Variants in ADAD1 observed in about 807,000 individuals in gnomAD.
The protein encoded by ADAD1 is adenosine deaminase domain containing 1.
A neutral mutation model predicts 66.8 loss-of-function variants in ADAD1; 46 were observed. The ratio of observed to expected loss-of-function variants is 0.69; its 90% CI spans 0.54 to 0.88. ADAD1 has a LOEUF of 0.88. ADAD1 is among the 40% of genes least tolerant of loss of function. ADAD1 has a pLI of 0.00. For synonymous variants in ADAD1, 248 were observed against 229.4 expected (o/e 1.08, Z -0.73); for missense variants, 617 against 681.8 (o/e 0.91, Z 1.06).
At position 122,393,553 on chromosome 4, in the gene ADAD1, G is replaced by A. The variant is rs769892570; in HGVS notation, c.530-36G>A. On this transcript the variant is annotated intron_variant, in intron 5 of 12. Transcript: ENST00000296513. Reference sequence around the variant, plus strand: ...AATACCAGCTCTTTGGAATGTTGAAGTTTCATGTTTCCTTATGTTTTTGTT... The same window carrying A: ...AATACCAGCTCTTTGGAATGTTGAAATTTCATGTTTCCTTATGTTTTTGTT... The A allele has an allele frequency of 2.6e-6, 4 of 1,524,674 alleles. No individual in the cohort carries two copies. The South Asian group carries it at 5.0e-5, about 19-fold the overall frequency. The allele number at this position is 1,524,674 out of a possible 1,614,324, so 94.4% of individuals were successfully genotyped here.
At position 122,413,337 on chromosome 4, in the gene ADAD1, G is replaced by A. The variant is rs571218793; in HGVS notation, c.1249+528G>A. Among the ~76,000 whole-genome samples the A allele has an allele frequency of 2.0e-5, 3 of 152,064 alleles. No individual in the cohort carries two copies. The South Asian group carries it at 6.2e-4, about 32-fold the overall frequency. On this transcript the variant is annotated intron_variant, in intron 10 of 12. Coordinates refer to ENST00000296513, the MANE Select transcript of ADAD1 (RefSeq NM_139243.4). ...GATAATCATTTTGTCATTTTATGGTGGTGGAATTTTTAAATTTAAAACATG... is the reference window on the plus strand; with the variant it reads ...GATAATCATTTTGTCATTTTATGGTAGTGGAATTTTTAAATTTAAAACATG...
chr4:122,419,163 T>G (rs918927510), intron 11 of ADAD1, among the ~76,000 whole-genome samples: 6 of 151,968 alleles, frequency 3.9e-5, no homozygotes, highest in Non-Finnish European at 1.5e-5. Context: ...ATAAAGAAAA[T>G]GTGGTACATA....
At chr4:122,389,781 A>G (rs1017986451) in intron 5 of ADAD1, among the ~76,000 whole-genome samples, 3 of 152,194 alleles carry the variant, frequency 2.0e-5, no homozygotes, top group African/African-American at 7.2e-5. Context: ...TGAATACATC[A>G]CACCAATGGG....
At chr4:122,382,087 G>A (rs1794924450) in intron 4 of ADAD1, among the ~76,000 whole-genome samples, 3 of 152,192 alleles carry the variant, frequency 2.0e-5, no homozygotes. Flanking sequence ...TGGTGGTAAT[G>A]TAGAAGGTGG....
intron 5 of ADAD1, among the ~76,000 whole-genome samples, chr4:122,386,328 G>A (rs1458471835): frequency 6.6e-6 from 1 of 152,112 alleles, no homozygotes; most frequent in Non-Finnish European, 1.5e-5. Flanking sequence ...ATGTTTGTTG[G>A]CCGCATAAAT....
chr4:122,419,812 G>T (rs1230368124), intron 11 of ADAD1, among the ~76,000 whole-genome samples: 1 of 152,048 alleles, frequency 6.6e-6, no homozygotes, highest in African/African-American at 2.4e-5. Context: ...TTCTAAGAAG[G>T]TGTATAAATA....
intron 4 of ADAD1, 128 bp from the exon 5 acceptor site, chr4:122,383,662 CAAAAGGACT>C (rs2150529344): frequency 1.0e-6 from 1 of 968,478 alleles, no homozygotes; most frequent in African/African-American, 1.7e-5. Flanking sequence ...ATTGGTCCTA[CAAAAGGACT>C]TGTAAAGTTG....
chr4:122,398,747 A>G (rs1009164789), intron 7 of ADAD1, among the ~76,000 whole-genome samples: 1 of 151,582 alleles, frequency 6.6e-6, no homozygotes, highest in Non-Finnish European at 1.5e-5. Flanking sequence ...AGTATTTTTC[A>G]TATATTTTTG....
At chr4:122,423,198 G>A (rs1244146604) in intron 12 of ADAD1, among the ~76,000 whole-genome samples, 1 of 152,116 alleles carries the variant, frequency 6.6e-6, no homozygotes, top group East Asian at 1.9e-4. Flanking sequence ...TGGGACAGGG[G>A]AATGAAAGTT....
At chr4:122,415,738 T>C in intron 11 of ADAD1, 122 bp downstream of exon 11, 1 of 908,164 alleles carries the variant, frequency 1.1e-6, no homozygotes, top group Middle Eastern at 3.0e-4. Flanking sequence ...ATTATTATCA[T>C]TAGTCAAGTG....
intron 7 of ADAD1, among the ~76,000 whole-genome samples, chr4:122,399,917 G>A (rs1795893601): frequency 6.6e-6 from 1 of 151,706 alleles, no homozygotes; most frequent in Admixed American, 6.6e-5. Flanking sequence ...TCTTTAGGGT[G>A]TTCTAGATAT....
chr4:122,427,679 C>A (rs192896637), intron 12 of ADAD1, among the ~76,000 whole-genome samples: 1 of 151,578 alleles, frequency 6.6e-6, no homozygotes, highest in Non-Finnish European at 1.5e-5. Flanking sequence ...GCATTACAGG[C>A]ACCCGCCACC....
At chr4:122,392,343 T>C (rs1284314555) in intron 5 of ADAD1, among the ~76,000 whole-genome samples, 1 of 152,190 alleles carries the variant, frequency 6.6e-6, no homozygotes, top group Non-Finnish European at 1.5e-5. Flanking sequence ...GTGTGGTACA[T>C]ACACAACTGT....
At chr4:122,421,448 T>G in intron 12 of ADAD1, 58 bp downstream of exon 12, 1 of 1,369,844 alleles carries the variant, frequency 7.3e-7, no homozygotes, top group Non-Finnish European at 9.6e-7. Flanking sequence ...ATTAATGTGG[T>G]CATTTTAAAA....
At position 122,419,753 on chromosome 4, in the gene ADAD1, T is replaced by C. The variant is rs1235920710; in HGVS notation, c.1488-1508T>C. 3.9e-5 allele frequency among the ~76,000 whole-genome samples: 6 copies of C among 152,340 alleles called. No homozygotes were observed. The East Asian group carries it at 1.2e-3, about 29-fold the overall frequency. On this transcript the variant is annotated intron_variant, in intron 11 of 12. Transcript: ENST00000296513. ...ACCAGACTAGAAACTCTTACTAATG[T>C]GTCATATTAATTAATCTAGGGAAAA...
intron 11 of ADAD1, among the ~76,000 whole-genome samples, chr4:122,419,930 G>T (rs946169727): frequency 6.6e-6 from 1 of 152,116 alleles, no homozygotes; most frequent in Non-Finnish European, 1.5e-5. Flanking sequence ...ATATTATCAT[G>T]ATTGATAAAA....
chr4:122,415,330 G>T, intron 10 of ADAD1, 49 bp from the exon 11 acceptor site: 2 of 1,368,098 alleles, frequency 1.5e-6, no homozygotes, highest in South Asian at 2.5e-5. Flanking sequence ...ATTTTATTTT[G>T]GGATGTTCTT....
rs536137556 is a variant in ADAD1, at chr4:122,379,035, G to C, written c.-163G>C. 1 of 152,440 alleles carries C rather than the reference G, an allele frequency of 6.6e-6. No individual in the cohort carries two copies. The highest frequency in any genetic ancestry group is 2.1e-4 in the South Asian group (1 of 4,822). The allele number at this position is 152,440 out of a possible 1,614,324, so 9.4% of individuals were successfully genotyped here. ...TGTAAACAGGAAGGCCACAGTGGAG[G>C]CCAAGCCTTCCCCATGGGCACCTTC... On this transcript the variant is annotated 5_prime_UTR_variant, in exon 1 of 13. Coordinates refer to ENST00000296513, the MANE Select transcript of ADAD1 (RefSeq NM_139243.4).
chr4:122,390,575 T>C (rs1795385283), intron 5 of ADAD1, among the ~76,000 whole-genome samples: 1 of 152,218 alleles, frequency 6.6e-6, no homozygotes, highest in Non-Finnish European at 1.5e-5. Context: ...TTGTCTATTC[T>C]TGTTTGCATG....
Sources: allele counts gnomAD v4.1 joint callset (sites outside exome capture counted in the v4.1 genomes callset), GRCh38; gene constraint gnomAD v4.1.1; transcripts MANE v1.5; gene names NCBI Gene and HGNC (gene_info 2026-07-23, HGNC 2026-07-21).